The following DIAPH2 variants were observed in gnomAD, a reference collection of about 807,000 sequenced individuals.
The protein encoded by DIAPH2 is diaphanous related formin 2.
DIAPH2 carries 35 observed loss-of-function variants against 92.7 expected under a neutral mutation model. That is an observed-to-expected ratio of 0.38 (90% CI 0.29 to 0.50). DIAPH2 has a LOEUF of 0.50. Among genes scored for constraint, DIAPH2 ranks in the 20% least tolerant of loss-of-function variants. The pLI is 0.94. For synonymous variants in DIAPH2, 301 were observed against 280.4 expected (o/e 1.07, Z -0.73); for missense variants, 701 against 819.5 (o/e 0.86, Z 1.77).
chrX:97,568,256 G>C (rs758030843), intron 26 of DIAPH2, among the ~76,000 whole-genome samples: 51 of 110,546 alleles, frequency 4.6e-4, no homozygotes, highest in Admixed American at 2.3e-3. Context: ...ATAAAAGTTA[G>C]GAGCTGATAA....
intron 17 of DIAPH2, among the ~76,000 whole-genome samples, chrX:97,017,040 A>G (rs961823939): frequency 9.0e-6 from 1 of 111,537 alleles, no homozygotes; most frequent in African/African-American, 3.3e-5. Flanking sequence ...GCTGTGCACT[A>G]CTTCTGTTTT....
At chrX:97,362,921 A>G (rs1207409734) in intron 24 of DIAPH2, among the ~76,000 whole-genome samples, 1 of 112,560 alleles carries the variant, frequency 8.9e-6, no homozygotes, top group Non-Finnish European at 1.9e-5. Context: ...TTAACAGTGT[A>G]AATGTTTCCT....
chrX:96,810,586 C>G (rs1292440000), intron 4 of DIAPH2, among the ~76,000 whole-genome samples: 1 of 111,503 alleles, frequency 9.0e-6, no homozygotes, highest in Non-Finnish European at 1.9e-5. Flanking sequence ...GTCATGAGGT[C>G]CTTGCCCATG....
At chrX:96,945,985 C>A (rs1057391256) in intron 14 of DIAPH2, among the ~76,000 whole-genome samples, 3 of 111,747 alleles carry the variant, frequency 2.7e-5, no homozygotes, top group African/African-American at 9.7e-5. Context: ...CTGTTGTGGT[C>A]TTTTATGTCA....
chrX:97,425,537 G>A (rs2070053404), intron 25 of DIAPH2, among the ~76,000 whole-genome samples: 1 of 110,564 alleles, frequency 9.0e-6, no homozygotes, highest in African/African-American at 3.3e-5. Context: ...CACCTTGGGA[G>A]GCTGAGGTTG....
intron 22 of DIAPH2, among the ~76,000 whole-genome samples, chrX:97,159,425 CT>C (rs1237717678): frequency 8.9e-6 from 1 of 112,259 alleles, no homozygotes; most frequent in Non-Finnish European, 1.9e-5. Flanking sequence ...TTAAAGAAAA[CT>C]TTTTTTCAAT....
At chrX:97,254,492 CAAAAAA>C (rs1172020847) in intron 23 of DIAPH2, among the ~76,000 whole-genome samples, 1 of 29,060 alleles carries the variant, frequency 3.4e-5, no homozygotes, top group African/African-American at 1.1e-4. Context: ...AACTCTGTCT[CAAAAAA>C]AAAAAAAAAA....
At chrX:96,719,544 C>T (rs913494575) in intron 1 of DIAPH2, among the ~76,000 whole-genome samples, 2 of 111,749 alleles carry the variant, frequency 1.8e-5, no homozygotes, top group Non-Finnish European at 3.8e-5. Context: ...AAGAAACTGT[C>T]CTTTACCCGA....
chrX:97,281,861 C>T (rs778728452), intron 23 of DIAPH2, among the ~76,000 whole-genome samples: 5 of 111,017 alleles, frequency 4.5e-5, no homozygotes, highest in African/African-American at 6.5e-5. Flanking sequence ...AGCTCCTTAG[C>T]TTGATGTATA....
intron 4 of DIAPH2, among the ~76,000 whole-genome samples, chrX:96,774,574 C>T (rs2064363209): frequency 8.9e-6 from 1 of 111,736 alleles, no homozygotes; most frequent in Non-Finnish European, 1.9e-5. Context: ...AAACCATATA[C>T]TCAGCAATTT....
rs189713386 is a variant in DIAPH2, at chrX:97,185,860, C to T, written c.2719+44066C>T. ...TGATACAATTGAACAATGCCTTATA[C>T]ATTGTAGGTTCAAAGGTCAAATCTT... On this transcript the variant is annotated intron_variant, in intron 22 of 26. Transcript: ENST00000324765. Among the ~76,000 whole-genome samples the T allele has an allele frequency of 3.9e-4, 43 of 109,750 alleles. 2 individuals carry two copies. In the East Asian group the frequency reaches 5.5e-3, roughly 14 times the overall value.
intron 20 of DIAPH2, among the ~76,000 whole-genome samples, chrX:97,100,841 C>A (rs964032192): frequency 9.0e-6 from 1 of 111,509 alleles, no homozygotes; most frequent in African/African-American, 3.3e-5. Context: ...TGAGCATGTT[C>A]CTTTTGAACA....
Position 97,373,738 on chromosome X carries a change from C to T in DIAPH2, c.3010-10171C>T, listed in dbSNP as rs1313117031. Among the ~76,000 whole-genome samples the T allele has an allele frequency of 3.7e-5, 4 of 107,444 alleles. No homozygotes were observed. The Admixed American group carries it at 4.1e-4, about 11-fold the overall frequency. The allele number at this position is 107,444 out of a possible 115,157, so 93.3% of individuals were successfully genotyped here. A position where few individuals can be genotyped will look rare whatever the true frequency, so the allele number is the denominator to read the frequency against. Reference sequence around the variant, plus strand: ...TCTCCTGCCTCAGCCTCCCGAACAGCTGGGATTACAGGCATGCACCACCAT... The same window carrying T: ...TCTCCTGCCTCAGCCTCCCGAACAGTTGGGATTACAGGCATGCACCACCAT... On this transcript the variant is annotated intron_variant, in intron 24 of 26. Transcript: ENST00000324765.
chrX:97,127,409 A>G (rs1382385785), intron 21 of DIAPH2, among the ~76,000 whole-genome samples: 1 of 112,163 alleles, frequency 8.9e-6, no homozygotes, highest in African/African-American at 3.2e-5. Context: ...GGGAAGTGGA[A>G]AAGTATTGTA....
chrX:96,884,158 C>A, intron 5 of DIAPH2: 2 of 459,498 alleles, frequency 4.4e-6, no homozygotes, highest in South Asian at 3.5e-5. Flanking sequence ...ACGCTTGTCA[C>A]GTCCTCAGCC....
chrX:97,317,744 A>G (rs913892283), intron 23 of DIAPH2, among the ~76,000 whole-genome samples: 2 of 112,285 alleles, frequency 1.8e-5, no homozygotes, highest in Admixed American at 9.5e-5. Flanking sequence ...AGGGAACAGT[A>G]ATTATCTGCA....
In DIAPH2 at chrX:97,293,136, A is replaced by G. The variant is rs753339637; in HGVS notation, c.2844+45297A>G. 2.6e-3 allele frequency among the ~76,000 whole-genome samples: 288 copies of G among 110,255 alleles called. 2 individuals are homozygous for G. Among genetic ancestry groups the G allele is most frequent in the African/African-American group, 9.1e-3 (275 of 30,307 alleles). The stretch of plus-strand genomic sequence containing the variant: ...CTCTTAGAGATTTTCTAATGTCACT[A>G]TAAATTCTAGTACCTCTGTGTCCTA... On this transcript the variant is annotated intron_variant, in intron 23 of 26. Coordinates refer to ENST00000324765, the MANE Select transcript of DIAPH2 (RefSeq NM_006729.5).
At chrX:97,212,962 A>G (rs770160294) in intron 22 of DIAPH2, among the ~76,000 whole-genome samples, 1 of 111,742 alleles carries the variant, frequency 8.9e-6, no homozygotes, top group Non-Finnish European at 1.9e-5. Context: ...TCATTATACA[A>G]TCATTATTAT....
intron 20 of DIAPH2, among the ~76,000 whole-genome samples, chrX:97,102,661 C>T (rs753158609): frequency 2.7e-5 from 3 of 111,904 alleles, no homozygotes; most frequent in African/African-American, 6.5e-5. Flanking sequence ...ATGAGGATGC[C>T]GGGCGCGTTG....
Sources: allele counts gnomAD v4.1 joint callset (sites outside exome capture counted in the v4.1 genomes callset), GRCh38; gene constraint gnomAD v4.1.1; transcripts MANE v1.5; gene names NCBI Gene and HGNC (gene_info 2026-07-23, HGNC 2026-07-21).